Variants in FOXK2 observed in about 807,000 individuals in gnomAD.
FOXK2 encodes the protein forkhead box K2.
FOXK2 carries 24 observed loss-of-function variants against 53.3 expected under a neutral mutation model. The observed-to-expected ratio is 0.45, with a 90% CI of 0.33 to 0.63. The LOEUF is 0.63. Ranked by LOEUF, FOXK2 falls within the 30% of genes least tolerant of loss-of-function variation. FOXK2 has a pLI of 0.03. For missense variants in FOXK2, 952 were observed against 910.5 expected, an observed-to-expected ratio of 1.05 and a Z score of -0.59; for synonymous variants, 505 against 407.1, an observed-to-expected ratio of 1.24 and a Z score of -2.89.
intron 8 of FOXK2, among the ~76,000 whole-genome samples, chr17:82,598,657 G>A (rs535619357): frequency 6.6e-6 from 1 of 152,366 alleles, no homozygotes; most frequent in African/African-American, 2.4e-5. Flanking sequence ...CTTGGTGACA[G>A]CATTAAGCTG....
chr17:82,576,720 T>A (rs989846338), intron 4 of FOXK2: 3 of 952,334 alleles, frequency 3.2e-6, no homozygotes, highest in South Asian at 3.1e-5. Flanking sequence ...TTCTGCTCTG[T>A]AGTCCAAAAC....
chr17:82,554,631 T>A (rs913913775), intron 1 of FOXK2, among the ~76,000 whole-genome samples: 6 of 152,198 alleles, frequency 3.9e-5, no homozygotes, highest in African/African-American at 1.4e-4. Context: ...CTGTAGTGCA[T>A]CTCTTAACCT....
intron 4 of FOXK2, among the ~76,000 whole-genome samples, chr17:82,574,079 G>A (rs1243158094): frequency 6.6e-6 from 1 of 152,232 alleles, no homozygotes; most frequent in Non-Finnish European, 1.5e-5. Context: ...CACAGCTCAC[G>A]TCGGCAGGGA....
At chr17:82,577,422 G>A (rs910410480) in intron 4 of FOXK2, 12 of 412,000 alleles carry the variant, frequency 2.9e-5, no homozygotes, top group East Asian at 4.7e-5. Context: ...CTCCTACCCC[G>A]CCTGTGGCCC....
chr17:82,558,589 C>T (rs1257614672), intron 1 of FOXK2, among the ~76,000 whole-genome samples: 1 of 152,222 alleles, frequency 6.6e-6, no homozygotes, highest in Admixed American at 6.5e-5. Flanking sequence ...GCCTCTTTCC[C>T]TGTTGGAATT....
At chr17:82,521,527 G>T (rs1204816549) in intron 1 of FOXK2, among the ~76,000 whole-genome samples, 1 of 151,850 alleles carries the variant, frequency 6.6e-6, no homozygotes, top group Non-Finnish European at 1.5e-5. Flanking sequence ...AAGAGCTGTT[G>T]CTTTTCTTCT....
chr17:82,598,126 ATTG>A, intron 8 of FOXK2, among the ~76,000 whole-genome samples: 2 of 146,112 alleles, frequency 1.4e-5, no homozygotes, highest in Admixed American at 1.4e-4. Flanking sequence ...TTGAAACCGT[ATTG>A]TTGACTCCCA....
At chr17:82,583,183 C>CATGA (rs2143096905) in intron 5 of FOXK2, among the ~76,000 whole-genome samples, 2 of 152,322 alleles carry the variant, frequency 1.3e-5, no homozygotes, top group Middle Eastern at 6.8e-3. Flanking sequence ...TGGGGCTCAT[C>CATGA]GCATGTTGTT....
intron 8 of FOXK2, among the ~76,000 whole-genome samples, chr17:82,590,385 G>A (rs1252407824): frequency 6.6e-6 from 1 of 152,124 alleles, no homozygotes; most frequent in African/African-American, 2.4e-5. Flanking sequence ...CAAGCTCCGG[G>A]GCTCAAGCAG....
chr17:82,596,470 C>A (rs3752821), intron 8 of FOXK2, among the ~76,000 whole-genome samples: 1 of 50,258 alleles, frequency 2.0e-5, no homozygotes, highest in African/African-American at 6.3e-5. Flanking sequence ...GACGTGCCTG[C>A]CCCACCGGTT....
At chr17:82,596,774 CTT>C (rs753182077) in intron 8 of FOXK2, among the ~76,000 whole-genome samples, 5 of 152,210 alleles carry the variant, frequency 3.3e-5, no homozygotes, top group Non-Finnish European at 2.9e-5. Flanking sequence ...CGGAGCCCCT[CTT>C]TCTTTGATCT....
intron 2 of FOXK2, 122 bp from the exon 3 acceptor site, chr17:82,567,925 CCTTTTTT>C: frequency 3.4e-6 from 2 of 595,590 alleles, no homozygotes; most frequent in Non-Finnish European, 5.0e-6. Context: ...ATATTCTCTT[CCTTTTTT>C]TTTTTTTTTT....
chr17:82,561,923 G>C (rs1051835795), intron 1 of FOXK2, among the ~76,000 whole-genome samples: 1 of 150,598 alleles, frequency 6.6e-6, no homozygotes, highest in South Asian at 2.1e-4. Flanking sequence ...GGGGGTGCCC[G>C]CACTGGGCGC....
At chr17:82,537,540 ACCTG>A (rs2044531975) in intron 1 of FOXK2, among the ~76,000 whole-genome samples, 1 of 148,110 alleles carries the variant, frequency 6.8e-6, no homozygotes, top group Non-Finnish European at 1.5e-5. Flanking sequence ...AATTGCCTGA[ACCTG>A]GGAAGTGGAA....
chr17:82,588,042 G>GAA (rs1425865177), intron 8 of FOXK2, among the ~76,000 whole-genome samples: 1 of 152,156 alleles, frequency 6.6e-6, no homozygotes, highest in Non-Finnish European at 1.5e-5. Flanking sequence ...CACGACGTTT[G>GAA]AATCCTTACC....
At chr17:82,575,333 C>T (rs1180081979) in intron 4 of FOXK2, among the ~76,000 whole-genome samples, 2 of 152,136 alleles carry the variant, frequency 1.3e-5, no homozygotes, top group African/African-American at 4.8e-5. Context: ...CACTAACATG[C>T]TGTAAGAATG....
chr17:82,563,750 C>CTTTT lies in FOXK2; in HGVS notation c.614+202_614+203insTTTT, dbSNP rs1567975420. Among the ~76,000 whole-genome samples the CTTTT allele has an allele frequency of 1.4e-4, 13 of 94,612 alleles. 4 individuals carry two copies. Among genetic ancestry groups the CTTTT allele is most frequent in the African/African-American group, 1.3e-4 (3 of 22,238 alleles). 62.1% of individuals were successfully genotyped at this position (94,612 alleles called of 152,430 possible). A position where few individuals can be genotyped will look rare whatever the true frequency, so the allele number is the denominator to read the frequency against. On this transcript the variant is annotated intron_variant, in intron 2 of 8. Transcript: ENST00000335255. ...GTTCCTGGTTTTTATTTACTCATTC[C>CTTTT]CTTTTTTTTTTTTTTTTTTGAGAAG...
chr17:82,550,090 T>TC (rs2144090053), intron 1 of FOXK2, among the ~76,000 whole-genome samples: 1 of 152,218 alleles, frequency 6.6e-6, no homozygotes, highest in South Asian at 2.1e-4. Context: ...TCCCAGCTAT[T>TC]CAGGAGGCTG....
chr17:82,521,467 C>T (rs1171132864), intron 1 of FOXK2, among the ~76,000 whole-genome samples: 1 of 151,570 alleles, frequency 6.6e-6, no homozygotes, highest in Admixed American at 6.6e-5. Context: ...CCACCGCGCC[C>T]GGCCTACAAA....
Sources: allele counts gnomAD v4.1 joint callset (sites outside exome capture counted in the v4.1 genomes callset), GRCh38; gene constraint gnomAD v4.1.1; transcripts MANE v1.5; gene names NCBI Gene and HGNC (gene_info 2026-07-23, HGNC 2026-07-21).